The following CCDC146 variants were observed in gnomAD, a reference collection of about 807,000 sequenced individuals.
CCDC146 encodes the protein coiled-coil domain-containing protein 146.
A neutral mutation model predicts 119.3 loss-of-function variants in CCDC146; 92 were observed. That is an observed-to-expected ratio of 0.77 (90% CI 0.65 to 0.92). CCDC146 has a LOEUF of 0.92. Ranked by LOEUF, CCDC146 falls within the 40% of genes least tolerant of loss-of-function variation. CCDC146 has a pLI of 0.00. For synonymous variants in CCDC146, 372 were observed against 371.8 expected (o/e 1.00, Z -0.01); for missense variants, 1,000 against 1,103.0 (o/e 0.91, Z 1.32).
intron 2 of CCDC146, among the ~76,000 whole-genome samples, chr7:77,235,042 T>C (rs1290575760): frequency 6.6e-6 from 1 of 152,208 alleles, no homozygotes; most frequent in South Asian, 2.1e-4. Flanking sequence ...CTCAGACTTT[T>C]GCATTTTGAT....
At position 77,179,999 on chromosome 7, in the gene CCDC146, T is replaced by C. The variant is rs1032221881; in HGVS notation, c.156+12175T>C. Among the ~76,000 whole-genome samples the C allele has an allele frequency of 3.3e-5, 5 of 152,314 alleles. No individual in the cohort carries two copies. The East Asian group carries it at 9.6e-4, about 29-fold the overall frequency. ...ATGTCATCAAGGTTGGTTCATGTTG[T>C]AGCATGTGTCAGAATTCCTCTCCTA... is the stretch of plus-strand genomic sequence containing the variant. On this transcript the variant is annotated intron_variant, in intron 2 of 18. Coordinates refer to ENST00000285871, the MANE Select transcript of CCDC146 (RefSeq NM_020879.3).
At chr7:77,146,536 A>G (rs1373865764) in intron 1 of CCDC146, among the ~76,000 whole-genome samples, 1 of 152,182 alleles carries the variant, frequency 6.6e-6, no homozygotes, top group African/African-American at 2.4e-5. Context: ...ATGTTTTTGC[A>G]GTGGCTCATA....
chr7:77,223,371 G>A (rs1462004932), intron 2 of CCDC146, among the ~76,000 whole-genome samples: 1 of 152,200 alleles, frequency 6.6e-6, no homozygotes, highest in East Asian at 1.9e-4. Context: ...CACCCACCTT[G>A]CCCATCGCAT....
chr7:77,230,658 T>C (rs924991034), intron 2 of CCDC146, among the ~76,000 whole-genome samples: 1 of 152,230 alleles, frequency 6.6e-6, no homozygotes, highest in Admixed American at 6.5e-5. Flanking sequence ...TTTGGAGATT[T>C]ATCTTTATCT....
At chr7:77,143,742 T>A (rs1417898085) in intron 1 of CCDC146, among the ~76,000 whole-genome samples, 2 of 151,754 alleles carry the variant, frequency 1.3e-5, no homozygotes, top group African/African-American at 4.9e-5. Flanking sequence ...GTGGTATTAT[T>A]TCTGAGGGCT....
chr7:77,206,305 G>C (rs957485804), intron 2 of CCDC146, among the ~76,000 whole-genome samples: 2 of 152,044 alleles, frequency 1.3e-5, no homozygotes, highest in Non-Finnish European at 1.5e-5. Flanking sequence ...TTGTTTATCT[G>C]TCTTTCTTTG....
At chr7:77,149,786 CGA>C (rs59790559) in intron 1 of CCDC146, among the ~76,000 whole-genome samples, 13,927 of 135,722 alleles carry the variant, frequency 0.1, 2,140 homozygotes, top group African/African-American at 0.36. Context: ...AAAAAAAAAG[CGA>C]GAGAGAGAGA....
intron 1 of CCDC146, among the ~76,000 whole-genome samples, chr7:77,143,272 T>C (rs1036703546): frequency 1.3e-5 from 2 of 151,882 alleles, no homozygotes; most frequent in African/African-American, 4.9e-5. Flanking sequence ...GTTTGATTTT[T>C]TTCTTATAAA....
intron 9 of CCDC146, among the ~76,000 whole-genome samples, 188 bp downstream of exon 9, chr7:77,262,495 T>C (rs538643310): frequency 6.6e-6 from 1 of 152,362 alleles, no homozygotes; most frequent in South Asian, 2.1e-4. Flanking sequence ...AATCTCATTT[T>C]TCTAACCCAA....
chr7:77,129,801 T>C (rs1264310434), intron 1 of CCDC146, among the ~76,000 whole-genome samples: 2 of 152,166 alleles, frequency 1.3e-5, no homozygotes, highest in East Asian at 3.8e-4. Flanking sequence ...AATTACATCA[T>C]ACTCTTCTTT....
intron 2 of CCDC146, among the ~76,000 whole-genome samples, chr7:77,225,361 C>A (rs1461047168): frequency 2.0e-5 from 3 of 151,726 alleles, no homozygotes; most frequent in African/African-American, 4.8e-5. Context: ...CCAGCCTGGG[C>A]AACGTAGTGA....
chr7:77,236,036 A>G (rs1792728927), intron 2 of CCDC146, among the ~76,000 whole-genome samples: 1 of 147,594 alleles, frequency 6.8e-6, no homozygotes, highest in Non-Finnish European at 1.5e-5. Flanking sequence ...GCACCACTGC[A>G]TTCCAGCCTG....
At chr7:77,197,003 G>C in intron 2 of CCDC146, 1 of 1,433,174 alleles carries the variant, frequency 7.0e-7, no homozygotes, top group Non-Finnish European at 9.7e-7. Context: ...GGAAATAAAA[G>C]GAAGGCATTG....
intron 1 of CCDC146, among the ~76,000 whole-genome samples, chr7:77,152,909 A>G (rs1053420085): frequency 4.6e-5 from 7 of 152,226 alleles, no homozygotes; most frequent in African/African-American, 1.7e-4. Flanking sequence ...ATCTGGGGAG[A>G]CATGCATTGT....
At chr7:77,253,728 A>G (rs566457017) in intron 4 of CCDC146, among the ~76,000 whole-genome samples, 1 of 152,342 alleles carries the variant, frequency 6.6e-6, no homozygotes, top group South Asian at 2.1e-4. Flanking sequence ...AAGCAAAACA[A>G]GGAAAGAGTT....
intron 1 of CCDC146, among the ~76,000 whole-genome samples, chr7:77,151,843 G>A (rs2539167): frequency 3.3e-5 from 5 of 152,074 alleles, no homozygotes; most frequent in African/African-American, 7.2e-5. Flanking sequence ...TGCATTCCCC[G>A]CTGGCTCTCA....
intron 1 of CCDC146, among the ~76,000 whole-genome samples, chr7:77,162,425 A>G (rs1208884386): frequency 6.6e-6 from 1 of 152,238 alleles, no homozygotes; most frequent in Admixed American, 6.5e-5. Flanking sequence ...CTTGACATCC[A>G]TGCCAAAAAT....
intron 1 of CCDC146, among the ~76,000 whole-genome samples, chr7:77,158,516 GT>G (rs112606851): frequency 6.5e-4 from 98 of 150,688 alleles, no homozygotes; most frequent in African/African-American, 2.2e-3. Flanking sequence ...GATATTTATT[GT>G]TTTTTTTTGT....
At chr7:77,156,775 G>T (rs1436850940) in intron 1 of CCDC146, among the ~76,000 whole-genome samples, 3 of 152,148 alleles carry the variant, frequency 2.0e-5, no homozygotes, top group African/African-American at 7.2e-5. Flanking sequence ...TCCATTAAAT[G>T]GATCTGAGGT....
Sources: gnomAD v4.1 joint callset for allele counts (sites outside exome capture counted in the v4.1 genomes callset) on GRCh38, gnomAD v4.1.1 for gene constraint, MANE v1.5 for transcripts, NCBI Gene and HGNC (gene_info 2026-07-23, HGNC 2026-07-21) for gene names.